Variants in BBX observed in about 807,000 individuals in gnomAD.
BBX encodes HMG box transcription factor BBX.
In BBX, 30 loss-of-function variants were observed where a neutral mutation model predicts 100.2. The ratio of observed to expected loss-of-function variants is 0.30; its 90% confidence interval spans 0.22 to 0.41. The LOEUF is 0.41. Among genes scored for constraint, BBX ranks in the 10% least tolerant of loss-of-function variants. The pLI, the probability that BBX is intolerant of heterozygous loss-of-function variation, is 1.00. For synonymous variants in BBX, 376 were observed against 388.1 expected, an observed-to-expected ratio of 0.97 and a Z score of 0.37; for missense variants, 1,023 against 1,129.8, an observed-to-expected ratio of 0.91 and a Z score of 1.35.
In BBX at chr3:107,778,607, T is replaced by C. The variant is rs918417431; in HGVS notation, c.2203+88T>C. The C allele has an allele frequency of 4.1e-5, 58 of 1,413,614 alleles. No individual in the cohort carries two copies. The Admixed American group carries it at 6.2e-4, about 15-fold the overall frequency. The allele number at this position is 1,413,614 out of a possible 1,614,324, so 87.6% of individuals were successfully genotyped here. On this transcript the variant is annotated intron_variant, in intron 13 of 17. Coordinates refer to ENST00000325805, the MANE Select transcript of BBX (RefSeq NM_001142568.3). Reference sequence around the variant, plus strand: ...CTTTTAGCTCCCTTTAGACATATCATTGGATTTGGAATTGAGGCAGTAGGG... The same window carrying C: ...CTTTTAGCTCCCTTTAGACATATCACTGGATTTGGAATTGAGGCAGTAGGG...
At chr3:107,762,213 G>A (rs2065954296) in intron 10 of BBX, among the ~76,000 whole-genome samples, 1 of 152,166 alleles carries the variant, frequency 6.6e-6, no homozygotes, top group Non-Finnish European at 1.5e-5. Context: ...GAAGACTTTA[G>A]TAGATGGGCT....
chr3:107,534,490 CCTCT>C (rs1334884015), intron 2 of BBX, among the ~76,000 whole-genome samples: 2 of 152,076 alleles, frequency 1.3e-5, no homozygotes, highest in African/African-American at 2.4e-5. Flanking sequence ...TCTTCTTCTT[CCTCT>C]CTCTCATCTC....
chr3:107,586,457 C>A (rs1161670375), intron 2 of BBX, among the ~76,000 whole-genome samples: 1 of 152,070 alleles, frequency 6.6e-6, no homozygotes, highest in South Asian at 2.1e-4. Flanking sequence ...GTGAATTAAA[C>A]AATTTTAATG....
intron 3 of BBX, among the ~76,000 whole-genome samples, chr3:107,659,922 T>A (rs1180498070): frequency 6.6e-6 from 1 of 152,108 alleles, no homozygotes; most frequent in African/African-American, 2.4e-5. Flanking sequence ...AGTAGTAGGG[T>A]GAATCTCTAT....
At chr3:107,575,025 C>G (rs976354693) in intron 2 of BBX, among the ~76,000 whole-genome samples, 2 of 152,100 alleles carry the variant, frequency 1.3e-5, no homozygotes, top group South Asian at 4.1e-4. Context: ...CATAAACCCA[C>G]AAAAAGGTGG....
intron 15 of BBX, among the ~76,000 whole-genome samples, chr3:107,794,268 G>GC (rs2069372453): frequency 6.6e-6 from 1 of 152,086 alleles, no homozygotes; most frequent in African/African-American, 2.4e-5. Context: ...GGGTTTATCA[G>GC]CCCCGAATAC....
rs527338058 is a variant in BBX at position 107,526,418 on chromosome 3, G to A, written c.-84+20G>A. ...TCCTGGGTAAGTATGCAAACTGTTC[G>A]TACAGGGAAGCAGGATGACAATTAG... On this transcript the variant is annotated intron_variant, in intron 2 of 17. Coordinates refer to ENST00000325805, the MANE Select transcript of BBX (RefSeq NM_001142568.3). 2.8e-5 allele frequency: 11 copies of A among 398,516 alleles called. No individual in the cohort carries two copies. Among genetic ancestry groups the A allele is most frequent in the Admixed American group, 4.4e-5 (1 of 22,736 alleles). 24.7% of individuals were successfully genotyped at this position (398,516 alleles called of 1,614,324 possible). A position where few individuals can be genotyped will look rare whatever the true frequency, so the allele number is the denominator to read the frequency against.
intron 2 of BBX, among the ~76,000 whole-genome samples, chr3:107,607,821 C>T (rs1438730628): frequency 1.3e-5 from 2 of 152,030 alleles, no homozygotes; most frequent in African/African-American, 4.8e-5. Flanking sequence ...ATATTGTGTA[C>T]CTTTTTATAT....
intron 3 of BBX, among the ~76,000 whole-genome samples, chr3:107,667,611 G>A (rs1472587161): frequency 6.6e-6 from 1 of 151,664 alleles, no homozygotes; most frequent in Non-Finnish European, 1.5e-5. Context: ...ATTCTGTATT[G>A]GATGGGCTTA....
At chr3:107,733,659 T>C (rs1484447299) in intron 7 of BBX, among the ~76,000 whole-genome samples, 1 of 152,062 alleles carries the variant, frequency 6.6e-6, no homozygotes, top group Non-Finnish European at 1.5e-5. Context: ...GTATTTTGTG[T>C]AGAGACAGGG....
chr3:107,570,559 G>C (rs2051277917), intron 2 of BBX, among the ~76,000 whole-genome samples: 1 of 152,142 alleles, frequency 6.6e-6, no homozygotes, highest in African/African-American at 2.4e-5. Flanking sequence ...TATGCCTTCA[G>C]CTCCAGCCAC....
At chr3:107,729,451 C>T (rs2063173421) in intron 6 of BBX, among the ~76,000 whole-genome samples, 1 of 152,172 alleles carries the variant, frequency 6.6e-6, no homozygotes, top group South Asian at 2.1e-4. Flanking sequence ...AATTCCCATC[C>T]TGTCTGTCTC....
chr3:107,623,102 C>T (rs2055901381), intron 2 of BBX, among the ~76,000 whole-genome samples: 1 of 152,160 alleles, frequency 6.6e-6, no homozygotes, highest in Non-Finnish European at 1.5e-5. Flanking sequence ...TGAGCTCCTC[C>T]CTCTCTGCCA....
chr3:107,551,859 G>A (rs1436271258), intron 2 of BBX, among the ~76,000 whole-genome samples: 1 of 152,170 alleles, frequency 6.6e-6, no homozygotes. Flanking sequence ...TTAAAATTCA[G>A]ATTATTTGTA....
chr3:107,581,834 A>C (rs962297256), intron 2 of BBX, among the ~76,000 whole-genome samples: 3 of 152,168 alleles, frequency 2.0e-5, no homozygotes, highest in African/African-American at 2.4e-5. Flanking sequence ...TAGTTGGCTG[A>C]TATTTTTAGA....
chr3:107,772,345 C>T lies in BBX; in HGVS notation c.907-283C>T, dbSNP rs558161089. ...TGGGTCTTTCAACTCTGAATCCCTT[C>T]CTCCTTCTTCCAGGTCTTGTTTTCA... On this transcript the variant is annotated intron_variant, in intron 10 of 17. Transcript: ENST00000325805. Among the ~76,000 whole-genome samples, 11 of 152,264 alleles carry T rather than the reference C, an allele frequency of 7.2e-5. No homozygotes were observed. The East Asian group carries it at 2.1e-3, about 29-fold the overall frequency.
At chr3:107,740,434 T>A (rs1247415000) in intron 7 of BBX, among the ~76,000 whole-genome samples, 1 of 151,494 alleles carries the variant, frequency 6.6e-6, no homozygotes, top group Non-Finnish European at 1.5e-5. Context: ...TCAGTTGGAG[T>A]CTCACATCTC....
chr3:107,584,630 G>A (rs1287090167), intron 2 of BBX, among the ~76,000 whole-genome samples: 1 of 146,742 alleles, frequency 6.8e-6, no homozygotes, highest in Non-Finnish European at 1.5e-5. Flanking sequence ...AACTTTATGG[G>A]GTGGGGAAGG....
chr3:107,724,757 A>G (rs1426861163), intron 5 of BBX, among the ~76,000 whole-genome samples: 1 of 152,012 alleles, frequency 6.6e-6, no homozygotes, highest in Non-Finnish European at 1.5e-5. Flanking sequence ...GTTCTGTTCC[A>G]TTGGTCTATA....
Sources: allele counts gnomAD v4.1 joint callset (sites outside exome capture counted in the v4.1 genomes callset), GRCh38; gene constraint gnomAD v4.1.1; transcripts MANE v1.5; gene names NCBI Gene and HGNC (gene_info 2026-07-23, HGNC 2026-07-21).